Variants in MTRF1 observed in about 807,000 individuals in gnomAD.
MTRF1 encodes the protein peptide chain release factor 1, mitochondrial.
Under a neutral mutation model 62.9 loss-of-function variants are expected in MTRF1, and 51 were observed. The observed-to-expected ratio is 0.81, with a 90% CI of 0.65 to 1.02. The LOEUF (loss-of-function observed/expected upper bound fraction) is 1.02, where lower values mean the gene tolerates loss of function less well. Among genes scored for constraint, MTRF1 ranks in the 50% least tolerant of loss-of-function variants. MTRF1 has a pLI of 0.00. For synonymous variants in MTRF1, 158 were observed against 181.9 expected, an observed-to-expected ratio of 0.87 and a Z score of 1.06; for missense variants, 446 against 530.0, an observed-to-expected ratio of 0.84 and a Z score of 1.56.
the MTRF1 span, among the ~76,000 whole-genome samples, chr13:41,296,923 T>A: frequency 6.6e-6 from 1 of 152,212 alleles, no homozygotes; most frequent in African/African-American, 2.4e-5. Context: ...TTCTAAGTTT[T>A]TATCATCCAC....
intron 7 of MTRF1, among the ~76,000 whole-genome samples, chr13:41,230,840 A>G (rs2035417716): frequency 6.6e-6 from 1 of 151,372 alleles, no homozygotes; most frequent in Non-Finnish European, 1.5e-5. Context: ...CTCCTGCCTC[A>G]GCCTCCCCAG....
chr13:41,284,223 T>C, the MTRF1 span, among the ~76,000 whole-genome samples: 1 of 151,272 alleles, frequency 6.6e-6, no homozygotes, highest in East Asian at 2.0e-4. Context: ...CGGTGGCTCA[T>C]GACTGTAATC....
intron 9 of MTRF1, chr13:41,220,491 G>A: frequency 1.2e-6 from 1 of 857,422 alleles, no homozygotes. Flanking sequence ...TACATTATAT[G>A]GTAGTCTGTG....
the MTRF1 span, among the ~76,000 whole-genome samples, chr13:41,301,995 A>G: frequency 4.6e-5 from 7 of 152,196 alleles, no homozygotes; most frequent in Admixed American, 2.6e-4. Context: ...TCTTCTTCAG[A>G]TAAGAAATTC....
upstream of MTRF1, among the ~76,000 whole-genome samples, chr13:41,265,267 A>G (rs960776803): frequency 1.1e-4 from 16 of 151,978 alleles, no homozygotes; most frequent in African/African-American, 3.9e-4. Context: ...TACTAAAAAT[A>G]CAAAATTAGC....
chr13:41,283,779 CGG>C, the MTRF1 span, among the ~76,000 whole-genome samples: 1 of 151,332 alleles, frequency 6.6e-6, no homozygotes, highest in Non-Finnish European at 1.5e-5. Context: ...TTAGTAGAGA[CGG>C]GGTTTCACCT....
intron 5 of MTRF1, among the ~76,000 whole-genome samples, chr13:41,251,619 C>A (rs1340978463): frequency 3.9e-5 from 6 of 152,138 alleles, no homozygotes; most frequent in Admixed American, 6.5e-5. Context: ...GAAATCTGTA[C>A]CAGGTACAAC....
intron 7 of MTRF1, chr13:41,229,344 A>G (rs1248780814): frequency 6.6e-6 from 1 of 152,196 alleles, no homozygotes; most frequent in Non-Finnish European, 1.5e-5. Flanking sequence ...AACATTCAAA[A>G]TCTTCTCTTC....
the MTRF1 span, among the ~76,000 whole-genome samples, chr13:41,295,002 A>G: frequency 6.6e-6 from 1 of 152,180 alleles, no homozygotes; most frequent in African/African-American, 2.4e-5. Flanking sequence ...TATCTTTTAA[A>G]ACTTCTCAGA....
the MTRF1 span, among the ~76,000 whole-genome samples, chr13:41,271,248 A>G: frequency 6.6e-6 from 1 of 152,308 alleles, no homozygotes; most frequent in South Asian, 2.1e-4. Flanking sequence ...AAGAGAACTT[A>G]GGAACTCTAG....
intron 7 of MTRF1, among the ~76,000 whole-genome samples, chr13:41,233,428 T>C (rs1017833314): frequency 6.6e-6 from 1 of 152,222 alleles, no homozygotes; most frequent in Admixed American, 6.5e-5. Context: ...AAATTTTAAT[T>C]TGAAAAACGG....
At chr13:41,311,138 G>T in the MTRF1 span, 10 of 304,988 alleles carry the variant, frequency 3.3e-5, no homozygotes, top group African/African-American at 2.0e-4. Flanking sequence ...GAGGAGAGCC[G>T]CAGCACAAGG....
At chr13:41,308,753 A>G in the MTRF1 span, among the ~76,000 whole-genome samples, 4 of 152,060 alleles carry the variant, frequency 2.6e-5, no homozygotes, top group Non-Finnish European at 4.4e-5. Context: ...TCAAGGGGTA[A>G]ATGTTCAGGT....
At chr13:41,221,196 G>A (rs919812275) in intron 9 of MTRF1, among the ~76,000 whole-genome samples, 10 of 143,774 alleles carry the variant, frequency 7.0e-5, no homozygotes, top group Non-Finnish European at 1.3e-4. Context: ...TTGCTCTGTC[G>A]CCCAGGCTGG....
At chr13:41,289,860 T>C in the MTRF1 span, among the ~76,000 whole-genome samples, 1 of 152,078 alleles carries the variant, frequency 6.6e-6, no homozygotes, top group African/African-American at 2.4e-5. Context: ...GTTGAACAAA[T>C]TGGGCTATGA....
At chr13:41,273,136 C>G in the MTRF1 span, among the ~76,000 whole-genome samples, 11 of 151,878 alleles carry the variant, frequency 7.2e-5, no homozygotes, top group Admixed American at 2.6e-4. Context: ...ACCATCCTAG[C>G]TAACACAGTG....
At chr13:41,243,158 G>A (rs1341202246) in intron 5 of MTRF1, among the ~76,000 whole-genome samples, 5 of 152,206 alleles carry the variant, frequency 3.3e-5, no homozygotes, top group South Asian at 2.1e-4. Context: ...GGCGGAGGTC[G>A]CAGTGAGCCA....
intron 7 of MTRF1, among the ~76,000 whole-genome samples, chr13:41,228,978 T>A (rs1462473561): frequency 6.6e-6 from 1 of 152,200 alleles, no homozygotes; most frequent in Non-Finnish European, 1.5e-5. Flanking sequence ...ACCATGGCAA[T>A]CCTCAAAATA....
chr13:41,220,547 A>T, intron 9 of MTRF1: 1 of 1,275,532 alleles, frequency 7.8e-7, no homozygotes, highest in Non-Finnish European at 1.0e-6. Flanking sequence ...CTAACAGAAG[A>T]AGTCATAATG....
Sources: gnomAD v4.1 joint callset for allele counts (sites outside exome capture counted in the v4.1 genomes callset) on GRCh38, gnomAD v4.1.1 for gene constraint, MANE v1.5 for transcripts, NCBI Gene and HGNC (gene_info 2026-07-23, HGNC 2026-07-21) for gene names.